DYRK1A: variants seen among roughly 807,000 people sequenced by gnomAD.
The protein encoded by DYRK1A is dual specificity tyrosine-phosphorylation-regulated kinase 1A.
Under a neutral mutation model 79.7 loss-of-function variants are expected in DYRK1A, and 9 were observed. The ratio of observed to expected loss-of-function variants is 0.11; its 90% CI spans 0.07 to 0.20. DYRK1A has a LOEUF of 0.20. Among genes scored for constraint, DYRK1A ranks in the 10% least tolerant of loss-of-function variants. DYRK1A has a pLI of 1.00. For synonymous variants in DYRK1A, 349 were observed against 329.7 expected (o/e 1.06, Z -0.63); for missense variants, 622 against 956.0 (o/e 0.65, Z 4.61).
chr21:37,512,364 C>T lies in DYRK1A; in HGVS notation c.2098C>T (p.Arg700Cys), dbSNP rs781697806. The change falls in exon 12 of 12, where the codon CGC becomes TGC. Residue 700 changes from arginine to cysteine, a missense_variant. Arg to Cys is a radical substitution (Grantham distance 180, BLOSUM62 -3). Coordinates refer to ENST00000647188, the MANE Select transcript of DYRK1A (RefSeq NM_001347721.2). ...TAATTTGACCGTCTACTCCAATCCC[C>T]GCCAAGAGACTGGCATAGCTGGACA... is the stretch of plus-strand genomic sequence containing the variant. ...DVNLTVYSNP[R>C]QETGIAGHPT... is the part of the protein sequence containing the mutation. 1.1e-5 allele frequency: 17 copies of T among 1,614,098 alleles called. No individual in the cohort carries two copies. Among genetic ancestry groups the T allele is most frequent in the Admixed American group, 1.7e-5 (1 of 60,006 alleles).
At chr21:37,416,317 C>CTATTTT (rs2050338249) in intron 1 of DYRK1A, among the ~76,000 whole-genome samples, 1 of 98,148 alleles carries the variant, frequency 1.0e-5, no homozygotes, top group Non-Finnish European at 2.0e-5. Flanking sequence ...GTGTTTTGGC[C>CTATTTT]TTTTTTTTTT....
intron 2 of DYRK1A, among the ~76,000 whole-genome samples, chr21:37,460,271 C>G (rs920673221): frequency 6.6e-6 from 1 of 152,040 alleles, no homozygotes; most frequent in Non-Finnish European, 1.5e-5. Context: ...TTTTAAAAAT[C>G]TCCTAATGGC....
intron 1 of DYRK1A, among the ~76,000 whole-genome samples, chr21:37,407,402 A>T (rs2050168426): frequency 6.6e-6 from 1 of 152,166 alleles, no homozygotes; most frequent in African/African-American, 2.4e-5. Flanking sequence ...TAGATTTAAA[A>T]TTTTGGAGCA....
chr21:37,374,296 C>T (rs1216145446), intron 1 of DYRK1A, among the ~76,000 whole-genome samples: 1 of 150,840 alleles, frequency 6.6e-6, no homozygotes, highest in Non-Finnish European at 1.5e-5. Context: ...AGTCACCGAA[C>T]ACTGCAAGAA....
intron 9 of DYRK1A, among the ~76,000 whole-genome samples, chr21:37,498,790 T>G (rs1209749213): frequency 6.6e-6 from 1 of 152,248 alleles, no homozygotes; most frequent in Non-Finnish European, 1.5e-5. Flanking sequence ...CCATGATGTA[T>G]GAGGGTTCCA....
At chr21:37,463,305 G>C (rs2051913745) in intron 2 of DYRK1A, among the ~76,000 whole-genome samples, 1 of 151,704 alleles carries the variant, frequency 6.6e-6, no homozygotes. Context: ...TTGGCTCACT[G>C]TTACTAAATA....
chr21:37,433,188 A>G (rs992097971), intron 2 of DYRK1A, among the ~76,000 whole-genome samples: 2 of 152,132 alleles, frequency 1.3e-5, no homozygotes, highest in African/African-American at 4.8e-5. Context: ...TAACTTTAAA[A>G]AGAACTGATG....
intron 2 of DYRK1A, among the ~76,000 whole-genome samples, chr21:37,458,662 C>T (rs895468060): frequency 2.6e-5 from 4 of 152,192 alleles, no homozygotes; most frequent in Admixed American, 6.5e-5. Context: ...CGCCTAAGTC[C>T]TAGCCTAATG....
intron 2 of DYRK1A, among the ~76,000 whole-genome samples, chr21:37,459,072 G>A (rs140488910): frequency 1.9e-4 from 29 of 152,262 alleles, no homozygotes; most frequent in Non-Finnish European, 3.4e-4. Flanking sequence ...AGGATATACC[G>A]TCTGACAACT....
At chr21:37,367,757 G>A (rs1035891889) in intron 1 of DYRK1A, 129 bp downstream of exon 1, 9 of 150,802 alleles carry the variant, frequency 6.0e-5, no homozygotes, top group Admixed American at 5.3e-4. Context: ...GAGGCGCCGC[G>A]GGCCCAGGGC....
At chr21:37,443,278 G>C (rs549265233) in intron 2 of DYRK1A, among the ~76,000 whole-genome samples, 1 of 152,078 alleles carries the variant, frequency 6.6e-6, no homozygotes, top group Non-Finnish European at 1.5e-5. Flanking sequence ...CCAAAGCACT[G>C]GGATTACAGA....
At chr21:37,483,768 A>G (rs1359335591) in intron 5 of DYRK1A, among the ~76,000 whole-genome samples, 1 of 151,848 alleles carries the variant, frequency 6.6e-6, no homozygotes, top group East Asian at 1.9e-4. Context: ...TTTTTTGTAG[A>G]GGTGAGGTCT....
chr21:37,384,284 A>AC (rs1018347978), intron 1 of DYRK1A, among the ~76,000 whole-genome samples: 105 of 152,296 alleles, frequency 6.9e-4, no homozygotes, highest in African/African-American at 2.2e-3. Context: ...GTTTGATTGT[A>AC]CATGTATAAG....
At chr21:37,497,811 C>T (rs1175165315) in intron 9 of DYRK1A, among the ~76,000 whole-genome samples, 1 of 152,036 alleles carries the variant, frequency 6.6e-6, no homozygotes, top group Non-Finnish European at 1.5e-5. Context: ...ATTGTCTTTT[C>T]CCTTTTAAAA....
chr21:37,396,369 A>G (rs1262044916), intron 1 of DYRK1A, among the ~76,000 whole-genome samples: 2 of 152,134 alleles, frequency 1.3e-5, no homozygotes, highest in African/African-American at 4.8e-5. Flanking sequence ...TTTCTGTGTA[A>G]TTTGTCCAGG....
intron 1 of DYRK1A, among the ~76,000 whole-genome samples, chr21:37,371,353 A>G (rs1054496892): frequency 3.9e-5 from 6 of 152,352 alleles, no homozygotes; most frequent in South Asian, 4.1e-4. Flanking sequence ...TTATATGGAA[A>G]CAAAATGATT....
At chr21:37,379,953 A>G (rs2049623600) in intron 1 of DYRK1A, among the ~76,000 whole-genome samples, 1 of 152,212 alleles carries the variant, frequency 6.6e-6, no homozygotes, top group Admixed American at 6.5e-5. Flanking sequence ...CACGGATGTT[A>G]CGTTCTGGCT....
rs184090115 is a variant in DYRK1A at position 37,377,368 on chromosome 21, C to T, written c.-77+9740C>T. On this transcript the variant is annotated intron_variant, in intron 1 of 11. Coordinates refer to ENST00000647188, the MANE Select transcript of DYRK1A (RefSeq NM_001347721.2). ...TCTCCTGACCTCGTGATCCGCTTAC[C>T]TCGGCCTCCCAAAGTGCTGGGATTA... 1.5e-4 allele frequency among the ~76,000 whole-genome samples: 23 copies of T among 152,272 alleles called. No individual in the cohort carries two copies. The East Asian group carries it at 4.2e-3, about 28-fold the overall frequency.
At chr21:37,484,752 T>C (rs2052792709) in intron 5 of DYRK1A, among the ~76,000 whole-genome samples, 1 of 152,148 alleles carries the variant, frequency 6.6e-6, no homozygotes, top group Non-Finnish European at 1.5e-5. Flanking sequence ...GTTTTTCTTC[T>C]CCCCTTCACC....
Sources: gnomAD v4.1 joint callset for allele counts (sites outside exome capture counted in the v4.1 genomes callset) on GRCh38, gnomAD v4.1.1 for gene constraint, MANE v1.5 for transcripts, NCBI Gene and HGNC (gene_info 2026-07-23, HGNC 2026-07-21) for gene names.